Variants in CALN1 observed in about 807,000 individuals in gnomAD.
CALN1 encodes calcium-binding protein 8.
Under a neutral mutation model 30.6 loss-of-function variants are expected in CALN1, and 17 were observed. The ratio of observed to expected loss-of-function variants is 0.56; its 90% confidence interval spans 0.38 to 0.83. The LOEUF is 0.83. Among genes scored for constraint, CALN1 ranks in the 40% least tolerant of loss-of-function variants. The pLI, the probability that CALN1 is intolerant of heterozygous loss-of-function variation, is 0.00. For synonymous variants in CALN1, 156 were observed against 131.4 expected (o/e 1.19, Z -1.28); for missense variants, 291 against 354.9 (o/e 0.82, Z 1.45).
intron 5 of CALN1, among the ~76,000 whole-genome samples, chr7:71,897,229 G>T (rs1793579271): frequency 6.6e-6 from 1 of 152,178 alleles, no homozygotes. Flanking sequence ...TTTAATTTTG[G>T]TGTTTATTGT....
At chr7:72,417,125 G>T (rs554245375), upstream of CALN1, among the ~76,000 whole-genome samples, 21 of 152,232 alleles carry the variant, frequency 1.4e-4, no homozygotes, top group African/African-American at 4.8e-4. Context: ...GGTCCCAGCC[G>T]TGATCTGGAG....
chr7:72,192,549 A>C (rs1380527903), intron 3 of CALN1, among the ~76,000 whole-genome samples: 1 of 152,078 alleles, frequency 6.6e-6, no homozygotes, highest in Non-Finnish European at 1.5e-5. Flanking sequence ...GAATGCAAAG[A>C]ACAGCCTGGA....
intron 5 of CALN1, among the ~76,000 whole-genome samples, chr7:71,909,599 A>G (rs1436418959): frequency 6.6e-6 from 1 of 152,206 alleles, no homozygotes; most frequent in African/African-American, 2.4e-5. Context: ...TTAGGCAGAC[A>G]CTCATCTGAA....
intron 5 of CALN1, among the ~76,000 whole-genome samples, chr7:71,951,696 T>C (rs1004945807): frequency 1.3e-5 from 2 of 152,228 alleles, no homozygotes; most frequent in East Asian, 3.8e-4. Context: ...TGGTCTGCTA[T>C]AGCATCTCTA....
At chr7:72,305,107 C>T (rs1052186031) in intron 2 of CALN1, among the ~76,000 whole-genome samples, 2 of 152,156 alleles carry the variant, frequency 1.3e-5, no homozygotes, top group Non-Finnish European at 2.9e-5. Context: ...CCTTTAAGGG[C>T]CCGTGTTAAC....
At chr7:72,384,241 T>C (rs1805076173) in intron 2 of CALN1, among the ~76,000 whole-genome samples, 2 of 152,192 alleles carry the variant, frequency 1.3e-5, no homozygotes, top group Non-Finnish European at 1.5e-5. Context: ...GTGTAGTTTT[T>C]CCTTGGGAGG....
intron 5 of CALN1, among the ~76,000 whole-genome samples, chr7:71,873,913 A>G (rs78370279): frequency 0.011 from 1,676 of 152,368 alleles, 14 homozygotes; most frequent in Non-Finnish European, 0.017. Context: ...CATTCAACTA[A>G]CCTGACCATA....
At chr7:72,266,042 G>A (rs1796573124) in intron 3 of CALN1, among the ~76,000 whole-genome samples, 1 of 151,942 alleles carries the variant, frequency 6.6e-6, no homozygotes, top group Non-Finnish European at 1.5e-5. Context: ...GCTGAGGTGG[G>A]AGGGTCGCTT....
chr7:72,096,115 A>G (rs1806215286), intron 4 of CALN1, among the ~76,000 whole-genome samples: 2 of 152,166 alleles, frequency 1.3e-5, no homozygotes, highest in African/African-American at 4.8e-5. Flanking sequence ...AGATAGAAGG[A>G]AAATTCTGAT....
At chr7:72,355,394 C>T (rs955820216) in intron 2 of CALN1, among the ~76,000 whole-genome samples, 2 of 152,152 alleles carry the variant, frequency 1.3e-5, no homozygotes, top group Admixed American at 1.3e-4. Context: ...GGCGTGGTGG[C>T]GCACGCCTGT....
intron 3 of CALN1, among the ~76,000 whole-genome samples, chr7:72,120,912 C>G (rs1435976041): frequency 6.6e-6 from 1 of 151,858 alleles, no homozygotes; most frequent in Non-Finnish European, 1.5e-5. Context: ...GCATCTGAAT[C>G]CAGGTGAGGG....
intron 3 of CALN1, among the ~76,000 whole-genome samples, chr7:72,241,513 C>T (rs1794832283): frequency 6.6e-6 from 1 of 152,064 alleles, no homozygotes. Context: ...TCGAGAGCAG[C>T]CTGACCAACA....
In CALN1 at chr7:72,254,447, G is replaced by A. The variant is rs958270361; in HGVS notation, c.244+24239C>T. On this transcript the variant is annotated intron_variant, in intron 3 of 6. Transcript: ENST00000395275. ...CATGAGTCCCCTGCCTGGATCCATC[G>A]TCTGCTGTCCCCACTCATCAGCCTC... is the stretch of plus-strand genomic sequence containing the variant. Among the ~76,000 whole-genome samples the A allele has an allele frequency of 4.8e-4, 73 of 152,192 alleles. 1 individual carries two copies. Among genetic ancestry groups the A allele is most frequent in the African/African-American group, 1.5e-3 (61 of 41,536 alleles).
At chr7:72,241,408 T>C (rs1794820951) in intron 3 of CALN1, among the ~76,000 whole-genome samples, 1 of 152,022 alleles carries the variant, frequency 6.6e-6, no homozygotes, top group African/African-American at 2.4e-5. Flanking sequence ...CACATTTACT[T>C]AAACAAAAAA....
At chr7:71,898,893 G>A (rs1793695401) in intron 5 of CALN1, among the ~76,000 whole-genome samples, 1 of 152,120 alleles carries the variant, frequency 6.6e-6, no homozygotes, top group South Asian at 2.1e-4. Context: ...GTGACTGCTT[G>A]CTTAGAAATT....
rs1429849014 is a variant in CALN1, at chr7:71,790,385, AAAGAAAGAAAGAAAGAAAG to A, written c.659-2502_659-2484del. 6.2e-3 allele frequency among the ~76,000 whole-genome samples: 492 copies of A among 78,736 alleles called. 10 individuals are homozygous for A. Among genetic ancestry groups the A allele is most frequent in the African/African-American group, 0.021 (465 of 21,696 alleles). 51.7% of individuals were successfully genotyped at this position (78,736 alleles called of 152,430 possible). A position where few individuals can be genotyped will look rare whatever the true frequency, so the allele number is the denominator to read the frequency against. On this transcript the variant is annotated intron_variant, in intron 6 of 6. Transcript: ENST00000395275. ...AAAGAAAGAAAAGAAAGAAAGAAAG[AAAGAAAGAAAGAAAGAAAG>A]AAAGAAAGAAAGAAAGAAAGAAGCA...
intron 2 of CALN1, among the ~76,000 whole-genome samples, chr7:72,364,320 G>A (rs1483826944): frequency 6.6e-6 from 1 of 152,108 alleles, no homozygotes; most frequent in African/African-American, 2.4e-5. Flanking sequence ...TATTTACAGA[G>A]TCAAAATAAT....
chr7:72,144,419 GCTAA>G (rs1490562485), intron 3 of CALN1, among the ~76,000 whole-genome samples: 2 of 152,176 alleles, frequency 1.3e-5, no homozygotes, highest in East Asian at 3.8e-4. Flanking sequence ...AACAAGAAGA[GCTAA>G]CTATCTTAAA....
In CALN1 at chr7:71,785,845, A is replaced by C. The variant is rs1792958183; in HGVS notation, c.*1930T>G. ...GGCAGGCATGCAGTGTGCAGGCAGC[A>C]GGGCAGGTAAGGGGGAAAGGCAGGT... On this transcript the variant is annotated 3_prime_UTR_variant, in exon 7 of 7. Coordinates refer to ENST00000395275, the MANE Select transcript of CALN1 (RefSeq NM_031468.4). 1 of 152,956 alleles carries C rather than the reference A, an allele frequency of 6.5e-6. No homozygotes were observed. Among genetic ancestry groups the C allele is most frequent in the Admixed American group, 6.5e-5 (1 of 15,278 alleles). 9.5% of individuals were successfully genotyped at this position (152,956 alleles called of 1,614,324 possible).
Sources: gnomAD v4.1 joint callset for allele counts (sites outside exome capture counted in the v4.1 genomes callset) on GRCh38, gnomAD v4.1.1 for gene constraint, MANE v1.5 for transcripts, NCBI Gene and HGNC (gene_info 2026-07-23, HGNC 2026-07-21) for gene names.